ELMO1: variants seen among roughly 807,000 people sequenced by gnomAD.
ELMO1 encodes the protein engulfment and cell motility protein 1.
In ELMO1, 26 loss-of-function variants were observed where a neutral mutation model predicts 98.9. The ratio of observed to expected loss-of-function variants is 0.26; its 90% CI spans 0.19 to 0.36. The LOEUF (loss-of-function observed/expected upper bound fraction) is 0.36, where lower values mean the gene tolerates loss of function less well. Ranked by LOEUF, ELMO1 falls within the 10% of genes least tolerant of loss-of-function variation. The pLI is 1.00. For synonymous variants in ELMO1, 346 were observed against 346.0 expected, an observed-to-expected ratio of 1.00 and a Z score of 0.00; for missense variants, 627 against 935.2, an observed-to-expected ratio of 0.67 and a Z score of 4.30.
rs7801609 is a variant in ELMO1 at position 36,901,975 on chromosome 7, C to A, written c.1438-6958G>T. ...TCATCAAATGGTATTCTCGACTCTG[C>A]CTGAATGGTTTCAGGGCTTGGAAGA... On this transcript the variant is annotated intron_variant, in intron 16 of 21. Transcript: ENST00000310758. Among the ~76,000 whole-genome samples, 946 of 152,280 alleles carry A rather than the reference C, an allele frequency of 6.2e-3. 8 individuals carry two copies. The highest frequency in any genetic ancestry group is 0.011 in the Non-Finnish European group (719 of 68,024).
At chr7:36,923,081 T>C (rs1479489638) in intron 16 of ELMO1, among the ~76,000 whole-genome samples, 1 of 152,212 alleles carries the variant, frequency 6.6e-6, no homozygotes, top group African/African-American at 2.4e-5. Flanking sequence ...TTCCAGTACC[T>C]GTCTCCATGG....
chr7:37,176,191 C>T lies in ELMO1; in HGVS notation c.1086+35195G>A, dbSNP rs182877475. 2.5e-3 allele frequency among the ~76,000 whole-genome samples: 381 copies of T among 152,276 alleles called. 3 individuals carry two copies. The highest frequency in any genetic ancestry group is 8.9e-3 in the African/African-American group (369 of 41,544). On this transcript the variant is annotated intron_variant, in intron 13 of 21. Transcript: ENST00000310758. ...TGACCTTTAACATCTCAACAATTTC[C>T]CAAGCTCCCCAAAGACTCATCGACT...
At chr7:37,174,088 C>A (rs1266952573) in intron 13 of ELMO1, among the ~76,000 whole-genome samples, 1 of 152,214 alleles carries the variant, frequency 6.6e-6, no homozygotes, top group Non-Finnish European at 1.5e-5. Flanking sequence ...TTAAATGAAA[C>A]CATGACTGGG....
chr7:37,121,647 T>G (rs1320165235), intron 14 of ELMO1, among the ~76,000 whole-genome samples: 2 of 152,140 alleles, frequency 1.3e-5, no homozygotes, highest in Non-Finnish European at 2.9e-5. Flanking sequence ...AATCTACGTC[T>G]GATTGGTGTA....
At chr7:37,357,023 G>T (rs2131315282) in intron 1 of ELMO1, among the ~76,000 whole-genome samples, 1 of 152,178 alleles carries the variant, frequency 6.6e-6, no homozygotes, top group Middle Eastern at 3.4e-3. Context: ...TACACAGACA[G>T]ACCAATAAGA....
intron 15 of ELMO1, among the ~76,000 whole-genome samples, chr7:37,018,152 G>C (rs1464259029): frequency 6.8e-6 from 1 of 147,552 alleles, no homozygotes; most frequent in African/African-American, 2.6e-5. Flanking sequence ...TTGAGACAGA[G>C]TTTTGCTCCT....
At chr7:37,331,357 G>GTTTTTTTTTTTTTTTTTTTT (rs1371395526) in intron 2 of ELMO1, among the ~76,000 whole-genome samples, 1 of 77,202 alleles carries the variant, frequency 1.3e-5, no homozygotes, top group Non-Finnish European at 2.4e-5. Context: ...TTTTTTTTTG[G>GTTTTTTTTTTTTTTTTTTTT]AATTTTAGTA....
intron 1 of ELMO1, among the ~76,000 whole-genome samples, chr7:37,382,799 CAG>C (rs993342769): frequency 1.1e-4 from 16 of 152,094 alleles, no homozygotes; most frequent in African/African-American, 3.9e-4. Context: ...AACCACTCCA[CAG>C]AGATACTCAT....
At chr7:36,941,350 C>T in intron 16 of ELMO1, among the ~76,000 whole-genome samples, 1 of 152,260 alleles carries the variant, frequency 6.6e-6, no homozygotes, top group South Asian at 2.1e-4. Flanking sequence ...TTTGGAATTC[C>T]TTAGATCAGT....
intron 4 of ELMO1, among the ~76,000 whole-genome samples, chr7:37,306,129 C>T (rs776372923): frequency 2.6e-5 from 4 of 152,158 alleles, no homozygotes; most frequent in African/African-American, 4.8e-5. Flanking sequence ...GATATTGCTC[C>T]TAGGTGTGTG....
At chr7:37,086,334 G>C (rs1179908021) in intron 15 of ELMO1, among the ~76,000 whole-genome samples, 6 of 133,412 alleles carry the variant, frequency 4.5e-5, no homozygotes, top group African/African-American at 1.8e-4. Flanking sequence ...ACATGACTGT[G>C]TGTGTGTGTG....
intron 16 of ELMO1, among the ~76,000 whole-genome samples, chr7:36,949,657 C>T (rs1787805608): frequency 6.6e-6 from 1 of 151,930 alleles, no homozygotes; most frequent in Admixed American, 6.6e-5. Context: ...TGTCAGTGGC[C>T]CCCCACCCCC....
In ELMO1 at chr7:37,217,101, T is replaced by C. The variant is rs545740790; in HGVS notation, c.781-406A>G. ...CTGTAGCAAGGAGATTCCAGTATCT[T>C]CTAAAAGTCATTTCATCTTAATCTG... On this transcript the variant is annotated intron_variant, in intron 10 of 21. Coordinates refer to ENST00000310758, the MANE Select transcript of ELMO1 (RefSeq NM_014800.11). Among the ~76,000 whole-genome samples the C allele has an allele frequency of 1.2e-3, 187 of 152,328 alleles. 1 individual carries two copies. Among genetic ancestry groups the C allele is most frequent in the Non-Finnish European group, 1.1e-3 (77 of 68,028 alleles).
intron 6 of ELMO1, 135 bp from the exon 7 acceptor site, chr7:37,244,526 C>A: frequency 1.2e-6 from 1 of 801,116 alleles, no homozygotes; most frequent in South Asian, 1.7e-5. Context: ...GAATTTTATC[C>A]ATTTCAAGAC....
intron 13 of ELMO1, among the ~76,000 whole-genome samples, chr7:37,184,217 A>G (rs1791058408): frequency 6.6e-6 from 1 of 152,154 alleles, no homozygotes; most frequent in Non-Finnish European, 1.5e-5. Context: ...TTTTTCTCCA[A>G]TGAGTGTTGC....
intron 2 of ELMO1, among the ~76,000 whole-genome samples, chr7:37,321,610 G>T (rs537564719): frequency 1.3e-5 from 2 of 149,964 alleles, no homozygotes; most frequent in Non-Finnish European, 3.0e-5. Flanking sequence ...CCAGCTACTC[G>T]GGAGGCTGAG....
intron 1 of ELMO1, among the ~76,000 whole-genome samples, chr7:37,405,078 G>C (rs1482013427): frequency 6.6e-6 from 1 of 152,188 alleles, no homozygotes; most frequent in Admixed American, 6.5e-5. Context: ...GGTAATGTGG[G>C]CCACCGGCAC....
chr7:37,337,433 G>A (rs1459928064), intron 2 of ELMO1, among the ~76,000 whole-genome samples: 1 of 151,402 alleles, frequency 6.6e-6, no homozygotes, highest in East Asian at 1.9e-4. Context: ...GTTAAATGAC[G>A]AGTTAATGGG....
chr7:36,869,338 C>G (rs1033903966), intron 20 of ELMO1, among the ~76,000 whole-genome samples: 12 of 152,218 alleles, frequency 7.9e-5, no homozygotes, highest in African/African-American at 2.9e-4. Context: ...TGCCCTCTGC[C>G]TTCCTGAACA....
Sources: gnomAD v4.1 joint callset for allele counts (sites outside exome capture counted in the v4.1 genomes callset) on GRCh38, gnomAD v4.1.1 for gene constraint, MANE v1.5 for transcripts, NCBI Gene and HGNC (gene_info 2026-07-23, HGNC 2026-07-21) for gene names.